Variants in RBFOX1 observed in about 807,000 individuals in gnomAD.
RBFOX1 encodes the protein RNA binding fox-1 homolog 1.
A neutral mutation model predicts 57.7 loss-of-function variants in RBFOX1; 8 were observed. That is an observed-to-expected ratio of 0.14 (90% CI 0.08 to 0.25). The LOEUF (loss-of-function observed/expected upper bound fraction) is 0.25. Ranked by LOEUF, RBFOX1 falls within the 10% of genes least tolerant of loss-of-function variation. The pLI is 1.00. For missense variants in RBFOX1, 611 were observed against 548.5 expected (o/e 1.11, Z -1.14); for synonymous variants, 326 against 222.4 (o/e 1.47, Z -4.15).
intron 2 of RBFOX1, among the ~76,000 whole-genome samples, chr16:6,373,902 G>C (rs553949462): frequency 6.6e-6 from 1 of 152,294 alleles, no homozygotes; most frequent in African/African-American, 2.4e-5. Flanking sequence ...TTGTCTTTCA[G>C]ATAGTAGGTG....
chr16:6,719,248 G>T (rs950468154), intron 3 of RBFOX1, among the ~76,000 whole-genome samples: 1 of 151,818 alleles, frequency 6.6e-6, no homozygotes, highest in Non-Finnish European at 1.5e-5. Flanking sequence ...ATATTAAATA[G>T]TATTTAAATA....
At chr16:5,304,222 A>G (rs2063875986) in intron 1 of RBFOX1, among the ~76,000 whole-genome samples, 1 of 152,194 alleles carries the variant, frequency 6.6e-6, no homozygotes, top group South Asian at 2.1e-4. Context: ...TTGCTTTCTG[A>G]CAGCTCCTGT....
At chr16:5,542,214 A>G (rs1486163784) in intron 2 of RBFOX1, among the ~76,000 whole-genome samples, 1 of 149,684 alleles carries the variant, frequency 6.7e-6, no homozygotes. Context: ...AATTGCTTAT[A>G]GTCATTTCAA....
At chr16:6,362,483 C>T (rs2088752909) in intron 2 of RBFOX1, among the ~76,000 whole-genome samples, 3 of 152,182 alleles carry the variant, frequency 2.0e-5, no homozygotes, top group Admixed American at 2.0e-4. Context: ...AGGCCACCTG[C>T]TCGTATGTCA....
chr16:7,595,662 C>G (rs1375977271), intron 8 of RBFOX1, 21 bp downstream of exon 8: 7 of 1,552,124 alleles, frequency 4.5e-6, no homozygotes, highest in Non-Finnish European at 6.1e-6. Flanking sequence ...AAAATATTTT[C>G]CTTTTCATCT....
At chr16:7,705,972 G>A (rs1337605891) in intron 14 of RBFOX1, among the ~76,000 whole-genome samples, 1 of 152,164 alleles carries the variant, frequency 6.6e-6, no homozygotes, top group South Asian at 2.1e-4. Flanking sequence ...CCATATAGCT[G>A]GTCGTGTCCT....
At chr16:5,268,651 G>A (rs2062923669) in intron 1 of RBFOX1, among the ~76,000 whole-genome samples, 1 of 152,208 alleles carries the variant, frequency 6.6e-6, no homozygotes, top group Non-Finnish European at 1.5e-5. Flanking sequence ...CTAGAGACCA[G>A]TCAATGTGCC....
intron 2 of RBFOX1, among the ~76,000 whole-genome samples, chr16:5,578,574 C>T (rs191696031): frequency 5.3e-5 from 8 of 152,312 alleles, no homozygotes; most frequent in African/African-American, 1.9e-4. Context: ...TTCCTGCAAA[C>T]ATTCCCACAC....
intron 1 of RBFOX1, among the ~76,000 whole-genome samples, chr16:6,218,131 A>G (rs573318723): frequency 3.3e-5 from 5 of 152,186 alleles, no homozygotes; most frequent in African/African-American, 1.2e-4. Flanking sequence ...TCCCATACAC[A>G]TTATTTTTAA....
rs140879207 is a variant in RBFOX1, at chr16:6,712,774, T to A, written c.-16+58124T>A. 3.8e-3 allele frequency among the ~76,000 whole-genome samples: 581 copies of A among 152,140 alleles called. 2 individuals carry two copies. The highest frequency in any genetic ancestry group is 0.013 in the African/African-American group (552 of 41,520). On this transcript the variant is annotated intron_variant, in intron 3 of 15. Coordinates refer to ENST00000550418, the MANE Select transcript of RBFOX1 (RefSeq NM_018723.4). ...ACTATAAAATATTCCACTTACCAGT[T>A]GATATGGTTTGGCTGTGTCCCCACC... is the stretch of plus-strand genomic sequence containing the variant.
chr16:5,576,808 TAAG>T (rs1018273424), intron 2 of RBFOX1, among the ~76,000 whole-genome samples: 1 of 151,242 alleles, frequency 6.6e-6, no homozygotes, highest in East Asian at 1.9e-4. Context: ...TCTTGGGGAA[TAAG>T]AAGCTGAAGG....
chr16:7,048,479 T>A (rs1003741608), intron 3 of RBFOX1, among the ~76,000 whole-genome samples: 1 of 151,702 alleles, frequency 6.6e-6, no homozygotes, highest in Admixed American at 6.6e-5. Context: ...CAGGATGGTC[T>A]CGATCTCCTG....
rs566836795 is a variant in RBFOX1 at position 7,298,559 on chromosome 16, C to T, written c.28-219588C>T. 5.3e-5 allele frequency among the ~76,000 whole-genome samples: 8 copies of T among 152,070 alleles called. No individual in the cohort carries two copies. The South Asian group carries it at 1.0e-3, about 20-fold the overall frequency. On this transcript the variant is annotated intron_variant, in intron 4 of 15. Coordinates refer to ENST00000550418, the MANE Select transcript of RBFOX1 (RefSeq NM_018723.4). ...CACTCGCCTTGGCCTCCCAAAGTGC[C>T]GGGATTACAGGCATGAGCCAACATG...
intron 4 of RBFOX1, among the ~76,000 whole-genome samples, chr16:7,442,642 G>C (rs573925694): frequency 6.6e-5 from 10 of 152,086 alleles, no homozygotes; most frequent in Non-Finnish European, 1.0e-4. Flanking sequence ...GATAGGATTT[G>C]CACTGGTTTT....
chr16:7,413,050 A>C (rs1477426183), intron 4 of RBFOX1, among the ~76,000 whole-genome samples: 1 of 151,976 alleles, frequency 6.6e-6, no homozygotes, highest in Non-Finnish European at 1.5e-5. Context: ...TCAAAACAAA[A>C]TAAAAATAAA....
intron 5 of RBFOX1, among the ~76,000 whole-genome samples, chr16:7,525,975 T>C (rs1005253348): frequency 5.9e-5 from 9 of 152,180 alleles, no homozygotes; most frequent in African/African-American, 2.2e-4. Context: ...CACAGATCAG[T>C]ACTGGTCTGT....
chr16:6,317,118 C>G (rs2081207714), intron 2 of RBFOX1, 61 bp downstream of exon 2: 5 of 1,439,518 alleles, frequency 3.5e-6, no homozygotes, highest in African/African-American at 1.4e-5. Context: ...TGATCCTGTT[C>G]TCTCTGAAAA....
At chr16:7,142,917 T>TC (rs1262106541) in intron 4 of RBFOX1, among the ~76,000 whole-genome samples, 1 of 151,710 alleles carries the variant, frequency 6.6e-6, no homozygotes, top group Non-Finnish European at 1.5e-5. Context: ...AGAGTATTTT[T>TC]TTTTTTTCTG....
At chr16:6,644,904 C>T (rs1422652737) in intron 2 of RBFOX1, among the ~76,000 whole-genome samples, 1 of 152,186 alleles carries the variant, frequency 6.6e-6, no homozygotes, top group Non-Finnish European at 1.5e-5. Context: ...GCACAAAGAG[C>T]TCCTTGATCC....
Sources: gnomAD v4.1 joint callset for allele counts (sites outside exome capture counted in the v4.1 genomes callset) on GRCh38, gnomAD v4.1.1 for gene constraint, MANE v1.5 for transcripts, NCBI Gene and HGNC (gene_info 2026-07-23, HGNC 2026-07-21) for gene names.